EIF3M: variants seen among roughly 807,000 people sequenced by gnomAD.
EIF3M encodes the protein eukaryotic translation initiation factor 3 subunit M, also known as B5 receptor.
Under a neutral mutation model 49.7 loss-of-function variants are expected in EIF3M, and 25 were observed. The observed-to-expected ratio is 0.50, with a 90% CI of 0.37 to 0.70. The LOEUF (loss-of-function observed/expected upper bound fraction) is 0.70. Ranked by LOEUF, EIF3M falls within the 30% of genes least tolerant of loss-of-function variation. The probability of loss-of-function intolerance (pLI) is 0.00; values close to 1 mark genes in which losing one functional copy is unlikely to be tolerated. For missense variants in EIF3M, 350 were observed against 440.0 expected (o/e 0.80, Z 1.83); for synonymous variants, 156 against 149.8 (o/e 1.04, Z -0.30).
chr11:32,601,763 C>G lies in EIF3M; in HGVS notation c.945C>G (p.Ala315=). 2 of 1,611,294 alleles carry G rather than the reference C, an allele frequency of 1.2e-6. No homozygotes were observed. The highest frequency in any genetic ancestry group is 1.7e-6 in the Non-Finnish European group (2 of 1,178,518). Residue 315 remains alanine, a splice_region_variant and synonymous_variant, in exon 10 of 11, where the codon GCC becomes GCG. Coordinates refer to ENST00000531120, the MANE Select transcript of EIF3M (RefSeq NM_006360.6). Reference sequence around the variant, plus strand: ...ACGATATAAAACATCTTTTTTCAGCCGTAAGAACTAAAATGGTCTACTGCA... The same window carrying G: ...ACGATATAAAACATCTTTTTTCAGCGGTAAGAACTAAAATGGTCTACTGCA... ...ADDVEAFVID[A]VRTKMVYCKI... is the part of the protein sequence containing the mutation.
At position 32,588,772 on chromosome 11, in the gene EIF3M, C is replaced by G. The variant is rs770533017; in HGVS notation, c.314+40C>G. ...GAAAGAAACTCAGTTTTTCTAGGTG[C>G]TTTTTTCATGTTACTAACTTTTAAT... On this transcript the variant is annotated intron_variant, in intron 3 of 10. Coordinates refer to ENST00000531120, the MANE Select transcript of EIF3M (RefSeq NM_006360.6). The G allele has an allele frequency of 1.2e-5, 19 of 1,610,242 alleles. No individual in the cohort carries two copies. In the South Asian group the frequency reaches 1.5e-4, roughly 13 times the overall value.
chr11:32,591,182 A>G (rs1482191005), intron 5 of EIF3M, among the ~76,000 whole-genome samples: 2 of 152,194 alleles, frequency 1.3e-5, no homozygotes, highest in African/African-American at 2.4e-5. Context: ...ACTGGTAACT[A>G]AGCCCTTACA....
At chr11:32,587,216 T>A in intron 2 of EIF3M, 72 bp downstream of exon 2, 1 of 1,408,786 alleles carries the variant, frequency 7.1e-7, no homozygotes. Flanking sequence ...TATAGAGTCG[T>A]CCCTCATTAT....
intron 5 of EIF3M, among the ~76,000 whole-genome samples, chr11:32,593,210 C>T (rs1017093123): frequency 6.6e-6 from 1 of 152,162 alleles, no homozygotes; most frequent in African/African-American, 2.4e-5. Context: ...GCTGAAGATT[C>T]CACAGTTTAA....
At chr11:32,584,875 T>A (rs1160801897) in intron 1 of EIF3M, among the ~76,000 whole-genome samples, 1 of 152,228 alleles carries the variant, frequency 6.6e-6, no homozygotes, top group Non-Finnish European at 1.5e-5. Context: ...AACAAAAGTT[T>A]AACCTTATTT....
At position 32,604,329 on chromosome 11, in the gene EIF3M, C is replaced by T. The variant is rs2133208919; in HGVS notation, c.*1930C>T. ...TGCCATGTTGCCCAGGCTGGTCTCTCTTAACTCTTGGGCTCAAGTGATCTG... is the reference window on the plus strand; with the variant it reads ...TGCCATGTTGCCCAGGCTGGTCTCTTTTAACTCTTGGGCTCAAGTGATCTG... On this transcript the variant is annotated 3_prime_UTR_variant, in exon 11 of 11. Coordinates refer to ENST00000531120, the MANE Select transcript of EIF3M (RefSeq NM_006360.6). 1 of 152,266 alleles carries T rather than the reference C, an allele frequency of 6.6e-6. No individual in the cohort carries two copies. Among genetic ancestry groups the T allele is most frequent in the South Asian group, 2.1e-4 (1 of 4,822 alleles). The allele number at this position is 152,266 out of a possible 1,614,324, so 9.4% of individuals were successfully genotyped here.
intron 5 of EIF3M, among the ~76,000 whole-genome samples, chr11:32,593,226 T>C (rs1423386350): frequency 6.6e-6 from 1 of 152,204 alleles, no homozygotes; most frequent in Non-Finnish European, 1.5e-5. Context: ...TTTAAAGAAG[T>C]CATGAGGAGT....
chr11:32,601,891 GTTT>G (rs1855273670), intron 10 of EIF3M, 69 bp downstream of exon 10: 1 of 1,527,048 alleles, frequency 6.5e-7, no homozygotes, highest in African/African-American at 1.4e-5. Flanking sequence ...TCACTTAAAT[GTTT>G]AGAGAACCAA....
In EIF3M at chr11:32,594,983, C is replaced by G. The variant is rs944282076; in HGVS notation, c.687C>G (p.Val229=). The G allele has an allele frequency of 1.9e-6, 3 of 1,613,426 alleles. No individual in the cohort carries two copies. In the African/African-American group the frequency reaches 4.0e-5, roughly 22 times the overall value. ...LFDHLLTLKP[V]KFLEGELIHD... ...ACCACCTTCTTACTTTAAAACCAGT[C>G]AAGTTTTTGGAAGGCGAGCTTATTC... The change falls in exon 7 of 11, where the codon GTC becomes GTG. Residue 229 remains valine (V), a synonymous_variant. Transcript: ENST00000531120.
chr11:32,595,109 T>G, intron 7 of EIF3M, 96 bp downstream of exon 7: 1 of 1,021,532 alleles, frequency 9.8e-7, no homozygotes, highest in South Asian at 1.5e-5. Flanking sequence ...TAAAAGTGAC[T>G]AATGGCAAGA....
intron 8 of EIF3M, among the ~76,000 whole-genome samples, chr11:32,596,600 CA>C (rs35206274): frequency 0.58 from 66,863 of 116,262 alleles, 18,331 homozygotes; most frequent in Non-Finnish European, 0.65. Context: ...GAGTCTGTCT[CA>C]AAAAAAAAAA....
At chr11:32,592,626 T>G (rs573811855) in intron 5 of EIF3M, 38 of 514,922 alleles carry the variant, frequency 7.4e-5, no homozygotes, top group East Asian at 6.5e-4. Context: ...ACATTTTGTT[T>G]GGGGGTCTCT....
intron 5 of EIF3M, among the ~76,000 whole-genome samples, chr11:32,591,124 C>A (rs866596592): frequency 5.6e-4 from 85 of 152,350 alleles, no homozygotes; most frequent in African/African-American, 2.0e-3. Flanking sequence ...GCTGGGATTA[C>A]AGGCGTGAGC....
At position 32,602,333 on chromosome 11, in the gene EIF3M, A is replaced by C. The variant is rs1279209686; in HGVS notation, c.1059A>C (p.Thr353=). The part of the protein sequence containing the change: ...GKQQWQQLYD[T]LNAWKQNLNK... ...AGCAGTGGCAACAACTGTATGACAC[A>C]CTTAATGCCTGGAAACAAAATCTGA... The change falls in exon 11 of 11, where the codon ACA becomes ACC. Residue 353 remains threonine (T), a synonymous_variant. Coordinates refer to ENST00000531120, the MANE Select transcript of EIF3M (RefSeq NM_006360.6). 4.3e-6 allele frequency: 7 copies of C among 1,612,796 alleles called. No homozygotes were observed. Among genetic ancestry groups the C allele is most frequent in the African/African-American group, 1.3e-5 (1 of 75,008 alleles).
intron 5 of EIF3M, among the ~76,000 whole-genome samples, chr11:32,593,171 TTCC>T (rs915004259): frequency 6.6e-6 from 1 of 152,244 alleles, no homozygotes; most frequent in Non-Finnish European, 1.5e-5. Context: ...GAAAAACCTC[TTCC>T]TCCTAGTTAG....
In EIF3M at chr11:32,595,949, G is replaced by A; in HGVS notation, c.718-17G>A. 1 of 1,533,436 alleles carries A rather than the reference G, an allele frequency of 6.5e-7. No individual in the cohort carries two copies. The allele number at this position is 1,533,436 out of a possible 1,614,324, so 95.0% of individuals were successfully genotyped here. ...ATTCTGTATTGATGGTATCTTTTTTGTCTCTTATCTGTATAGCTTTTAACC... is the reference window on the plus strand; with the variant it reads ...ATTCTGTATTGATGGTATCTTTTTTATCTCTTATCTGTATAGCTTTTAACC... On this transcript the variant is annotated splice_polypyrimidine_tract_variant and intron_variant, in intron 7 of 10. Coordinates refer to ENST00000531120, the MANE Select transcript of EIF3M (RefSeq NM_006360.6).
At chr11:32,591,285 T>C (rs1376038786) in intron 5 of EIF3M, among the ~76,000 whole-genome samples, 1 of 152,350 alleles carries the variant, frequency 6.6e-6, no homozygotes, top group African/African-American at 2.4e-5. Flanking sequence ...AACTGGAAAA[T>C]GACTTGCACC....
Position 32,605,160 on chromosome 11 carries a change from CT to C in EIF3M, c.*2781del, listed in dbSNP as rs548347158. The C allele has an allele frequency of 6.6e-3, 827 of 125,666 alleles. 6 individuals carry two copies. Among genetic ancestry groups the C allele is most frequent in the Admixed American group, 0.027 (339 of 12,450 alleles). The allele number at this position is 125,666 out of a possible 1,614,324, so 7.8% of individuals were successfully genotyped here. A position where few individuals can be genotyped will look rare whatever the true frequency, so the allele number is the denominator to read the frequency against. ...AGCCACCCTGCCCGACCTAGTAATA[CT>C]TTTTTTTTTTTTTTTTTTTAATGAA... On this transcript the variant is annotated 3_prime_UTR_variant, in exon 11 of 11. Coordinates refer to ENST00000531120, the MANE Select transcript of EIF3M (RefSeq NM_006360.6).
In EIF3M at chr11:32,602,556, G is replaced by A; in HGVS notation, c.*157G>A. ...GGATATGAAGTAATAAATTACAAGG[G>A]GTCACAATGTCTGTCATACAATACA... On this transcript the variant is annotated 3_prime_UTR_variant, in exon 11 of 11. Coordinates refer to ENST00000531120, the MANE Select transcript of EIF3M (RefSeq NM_006360.6). 1 of 915,754 alleles carries A rather than the reference G, an allele frequency of 1.1e-6. No homozygotes were observed. The highest frequency in any genetic ancestry group is 1.6e-6 in the Non-Finnish European group (1 of 632,156). The allele number at this position is 915,754 out of a possible 1,614,324, so 56.7% of individuals were successfully genotyped here.
Sources: gnomAD v4.1 joint callset for allele counts (sites outside exome capture counted in the v4.1 genomes callset) on GRCh38, gnomAD v4.1.1 for gene constraint, MANE v1.5 for transcripts, NCBI Gene and HGNC (gene_info 2026-07-23, HGNC 2026-07-21) for gene names.